The following SMARCA4 variants were observed in gnomAD, a reference collection of about 807,000 sequenced individuals.
The protein encoded by SMARCA4 is SWI/SNF-related matrix-associated actin-dependent regulator of chromatin subfamily A member 4.
In SMARCA4, 31 loss-of-function variants were observed where a neutral mutation model predicts 193.9. The observed-to-expected ratio is 0.16, with a 90% CI of 0.12 to 0.22. SMARCA4 has a LOEUF of 0.22. Among genes scored for constraint, SMARCA4 ranks in the 10% least tolerant of loss-of-function variants. The pLI is 1.00. For synonymous variants in SMARCA4, 942 were observed against 933.1 expected, an observed-to-expected ratio of 1.01 and a Z score of -0.17; for missense variants, 1,148 against 2,296.0, an observed-to-expected ratio of 0.50 and a Z score of 10.22.
At chr19:11,026,232 T>G (rs1045913419) in intron 22 of SMARCA4, 68 bp from the exon 23 acceptor site, 1 of 1,228,718 alleles carries the variant, frequency 8.1e-7, no homozygotes, top group African/African-American at 1.5e-5. Context: ...GAGCGGTGTG[T>G]GCGGACCGCA....
chr19:11,026,257 C>T (rs2146513380), intron 22 of SMARCA4, 43 bp from the exon 23 acceptor site: 1 of 1,560,970 alleles, frequency 6.4e-7, no homozygotes, highest in Non-Finnish European at 8.8e-7. Flanking sequence ...GGCCCGGTGG[C>T]CTGCTCCTGC....
chr19:10,986,864 TG>T lies in SMARCA4; in HGVS notation c.761-38del, dbSNP rs2086093569. ...ACGGGGCTGGGCGCAGGCATAAACC[TG>T]GGACGCACTGTTTTCTCTTTTGTTT... is the stretch of plus-strand genomic sequence containing the variant. On this transcript the variant is annotated intron_variant, in intron 4 of 34. Coordinates refer to ENST00000344626, the MANE Select transcript of SMARCA4 (RefSeq NM_003072.5). The surrounding 1 kb of genome is among the most constrained non-coding windows in gnomAD (Gnocchi z 6.7). 1.3e-6 allele frequency: 2 copies of T among 1,532,192 alleles called. No homozygotes were observed. The highest frequency in any genetic ancestry group is 1.8e-6 in the Non-Finnish European group (2 of 1,106,020). 94.9% of individuals were successfully genotyped at this position (1,532,192 alleles called of 1,614,324 possible).
At chr19:10,968,402 C>T (rs1049741342) in intron 1 of SMARCA4, among the ~76,000 whole-genome samples, 1 of 152,196 alleles carries the variant, frequency 6.6e-6, no homozygotes, top group African/African-American at 2.4e-5. Context: ...TCACTGTGAA[C>T]CGTTTTGCTC....
At chr19:10,996,589 G>A (rs2145983619) in intron 11 of SMARCA4, 45 bp downstream of exon 11, 2 of 1,567,218 alleles carry the variant, frequency 1.3e-6, no homozygotes, top group Non-Finnish European at 1.8e-6. Context: ...CTAGCCCTAA[G>A]GCGTTGGTCT....
rs1275554425 is a variant in SMARCA4, at chr19:11,060,141, C to A, written c.4865C>A (p.Ala1622Asp). 1 of 1,551,086 alleles carries A rather than the reference C, an allele frequency of 6.4e-7. No individual in the cohort carries two copies. The highest frequency in any genetic ancestry group is 1.4e-5 in the African/African-American group (1 of 73,174). ...GRRRPSRGSR[A>D]KPVVSDDDSE... Reference sequence around the variant, plus strand: ...CGGCGGCCGAGCCGAGGGTCCCGAGCCAAGCCGGTCGTGAGTGACGATGAC... The same window carrying A: ...CGGCGGCCGAGCCGAGGGTCCCGAGACAAGCCGGTCGTGAGTGACGATGAC... Residue 1622 changes from alanine (A) to aspartate (D), a missense_variant, in exon 34 of 35, where the codon GCC becomes GAC. This residue lies in a region of SMARCA4 where 105 missense variants were observed against 133.7 expected (regional missense o/e 0.79). Coordinates refer to ENST00000344626, the MANE Select transcript of SMARCA4 (RefSeq NM_003072.5).
intron 16 of SMARCA4, among the ~76,000 whole-genome samples, chr19:11,014,077 C>G (rs2146295685): frequency 6.6e-6 from 1 of 152,284 alleles, no homozygotes; most frequent in Middle Eastern, 3.4e-3. Flanking sequence ...GGGGGTTAGT[C>G]TGGTCTGATT....
intron 30 of SMARCA4, among the ~76,000 whole-genome samples, chr19:11,057,530 AC>A (rs2076612453): frequency 6.6e-6 from 1 of 152,154 alleles, no homozygotes; most frequent in African/African-American, 2.4e-5. Flanking sequence ...AGAGATCGAG[AC>A]CATCCTGACC....
chr19:11,029,583 G>T (rs1006791835), intron 24 of SMARCA4, among the ~76,000 whole-genome samples: 1 of 152,278 alleles, frequency 6.6e-6, no homozygotes, highest in Non-Finnish European at 1.5e-5. Flanking sequence ...GCCTGAGAGA[G>T]GGTGGGACGG....
chr19:11,039,357 A>G (rs2075441620), intron 29 of SMARCA4: 4 of 636,332 alleles, frequency 6.3e-6, no homozygotes, highest in Non-Finnish European at 1.1e-5. Flanking sequence ...CTGTCTCTGA[A>G]AAAAAGGGAA....
intron 8 of SMARCA4, 71 bp downstream of exon 8, chr19:10,991,394 G>T: frequency 6.5e-7 from 1 of 1,547,152 alleles, no homozygotes; most frequent in South Asian, 1.2e-5. Context: ...CGGTTGCCAC[G>T]GGGCTGTGTT....
intron 11 of SMARCA4, among the ~76,000 whole-genome samples, chr19:11,000,487 A>G (rs2087526491): frequency 6.6e-6 from 1 of 152,096 alleles, no homozygotes; most frequent in Admixed American, 6.6e-5. Context: ...TGTTTGTACC[A>G]CTGCATTCCA....
intron 1 of SMARCA4, among the ~76,000 whole-genome samples, chr19:10,979,255 C>A (rs2085375159): frequency 6.6e-6 from 1 of 152,016 alleles, no homozygotes. Context: ...TTCTTGGACA[C>A]CCAAGAAGAA....
chr19:11,059,997 C>T (rs2147121392), intron 33 of SMARCA4, 48 bp from the exon 34 acceptor site: 1 of 1,606,698 alleles, frequency 6.2e-7, no homozygotes, highest in East Asian at 2.2e-5. Flanking sequence ...TGTGGGGGTG[C>T]TGCATTCCCA....
In SMARCA4 at chr19:11,010,674, G is replaced by T. The variant is rs112546220; in HGVS notation, c.2274+143G>T. ...ATGCACTCTTCCCCTCTGAGCCTCG[G>T]TTTCCCCATGTGTAAAGCAGAGATG... is the stretch of plus-strand genomic sequence containing the variant. On this transcript the variant is annotated intron_variant, in intron 15 of 34. Coordinates refer to ENST00000344626, the MANE Select transcript of SMARCA4 (RefSeq NM_003072.5). The T allele has an allele frequency of 1.7e-5, 14 of 807,270 alleles. No individual in the cohort carries two copies. In the African/African-American group the frequency reaches 1.8e-4, roughly 11 times the overall value. 50.0% of individuals were successfully genotyped at this position (807,270 alleles called of 1,614,324 possible).
At chr19:10,963,370 C>CAAAA (rs755616481) in intron 1 of SMARCA4, among the ~76,000 whole-genome samples, 3 of 53,126 alleles carry the variant, frequency 5.6e-5, no homozygotes, top group African/African-American at 7.0e-5. Context: ...AAGACTGTCT[C>CAAAA]AAAAAAAAAA....
rs74833335 is a variant in SMARCA4 at position 11,024,252 on chromosome 19, G to T, written c.2974-79G>T. On this transcript the variant is annotated intron_variant, in intron 20 of 34. Coordinates refer to ENST00000344626, the MANE Select transcript of SMARCA4 (RefSeq NM_003072.5). ...AGAGCTCATATGACAGGGCCGAGGG[G>T]GTCAGAGCTGGGTTCGGATGGGGGG... 50 of 942,044 alleles carry T rather than the reference G, an allele frequency of 5.3e-5. No homozygotes were observed. In the African/African-American group the frequency reaches 6.7e-4, roughly 13 times the overall value. 58.4% of individuals were successfully genotyped at this position (942,044 alleles called of 1,614,324 possible).
chr19:11,016,198 A>G (rs1373052852), intron 16 of SMARCA4, among the ~76,000 whole-genome samples: 1 of 152,030 alleles, frequency 6.6e-6, no homozygotes, highest in Non-Finnish European at 1.5e-5. Flanking sequence ...AGCTCCCACG[A>G]GAGTTCAGAG....
rs765828645 is a variant in SMARCA4 at position 10,986,185 on chromosome 19, G to A, written c.356-4G>A. 11 of 1,612,772 alleles carry A rather than the reference G, an allele frequency of 6.8e-6. No homozygotes were observed. Among genetic ancestry groups the A allele is most frequent in the Admixed American group, 3.3e-5 (2 of 59,996 alleles). On this transcript the variant is annotated splice_region_variant and splice_polypyrimidine_tract_variant and intron_variant, in intron 3 of 34. Transcript: ENST00000344626. This position sits in a 1 kb window ranked among gnomAD's most constrained non-coding sequence, Gnocchi z 6.7. ...GTGACCAGTGGGCTGACCTTTCTCT[G>A]CAGGTTACCCCTCGCCCCTGGGTGG...
chr19:10,989,553 G>T lies in SMARCA4; in HGVS notation c.1245+110G>T, dbSNP rs1190801578. 5 of 1,313,934 alleles carry T rather than the reference G, an allele frequency of 3.8e-6. No individual in the cohort carries two copies. The East Asian group carries it at 1.2e-4, about 31-fold the overall frequency. The allele number at this position is 1,313,934 out of a possible 1,614,324, so 81.4% of individuals were successfully genotyped here. ...CTAGTATTACACCTGCCTGGGCTGTGAAAAGCAGCCGTGGCCATCCATGGG... is the reference window on the plus strand; with the variant it reads ...CTAGTATTACACCTGCCTGGGCTGTTAAAAGCAGCCGTGGCCATCCATGGG... On this transcript the variant is annotated intron_variant, in intron 7 of 34. Transcript: ENST00000344626.
Sources: gnomAD v4.1 joint callset for allele counts (sites outside exome capture counted in the v4.1 genomes callset) on GRCh38, gnomAD v4.1.1 for gene constraint, gnomAD v4.1.1 regional missense constraint, Gnocchi (gnomAD v3.1) non-coding constraint, MANE v1.5 for transcripts, NCBI Gene and HGNC (gene_info 2026-07-23, HGNC 2026-07-21) for gene names.